Variants in PCDH9 observed in about 807,000 individuals in gnomAD.
The protein encoded by PCDH9 is protocadherin 9, also known as protocadherin-9.
In PCDH9, 24 loss-of-function variants were observed where a neutral mutation model predicts 70.6. The ratio of observed to expected loss-of-function variants is 0.34; its 90% CI spans 0.25 to 0.48. The LOEUF (loss-of-function observed/expected upper bound fraction) is 0.48. PCDH9 is among the 20% of genes least tolerant of loss of function. The pLI, the probability that PCDH9 is intolerant of heterozygous loss-of-function variation, is 0.99. For missense variants in PCDH9, 1,281 were observed against 1,503.6 expected (o/e 0.85, Z 2.45); for synonymous variants, 562 against 558.5 (o/e 1.01, Z -0.09).
intron 4 of PCDH9, among the ~76,000 whole-genome samples, chr13:66,364,089 T>C (rs1206201003): frequency 6.6e-6 from 1 of 151,850 alleles, no homozygotes; most frequent in African/African-American, 2.4e-5. Context: ...CAGGAGGCGG[T>C]GGTTGCAGTG....
rs534488544 is a variant in PCDH9 at position 67,180,754 on chromosome 13, G to T, written c.3036+44651C>A. Among the ~76,000 whole-genome samples, 4 of 152,128 alleles carry T rather than the reference G, an allele frequency of 2.6e-5. No homozygotes were observed. In the South Asian group the frequency reaches 8.3e-4, roughly 32 times the overall value. The stretch of plus-strand genomic sequence containing the variant: ...TTCTACCTTCAGAATTAATAGATTG[G>T]GAAGATTAGGTCAATTGGCATTTCT... On this transcript the variant is annotated intron_variant, in intron 2 of 4. Transcript: ENST00000377865.
intron 2 of PCDH9, among the ~76,000 whole-genome samples, chr13:67,074,531 A>T (rs1274210313): frequency 1.3e-5 from 2 of 152,178 alleles, no homozygotes; most frequent in Non-Finnish European, 2.9e-5. Flanking sequence ...AGCAAAGGCT[A>T]TGGAGTAAAA....
At chr13:66,518,491 A>C (rs1959844658) in intron 4 of PCDH9, among the ~76,000 whole-genome samples, 1 of 152,132 alleles carries the variant, frequency 6.6e-6, no homozygotes, top group Non-Finnish European at 1.5e-5. Context: ...TTTGACCCTA[A>C]GTTGCAAACT....
intron 4 of PCDH9, among the ~76,000 whole-genome samples, chr13:66,507,200 CAA>C (rs1466789797): frequency 2.3e-5 from 3 of 131,526 alleles, no homozygotes; most frequent in African/African-American, 8.1e-5. Flanking sequence ...CTCAGACTTG[CAA>C]AAGTGATTCA....
rs534511342 is a variant in PCDH9 at position 66,776,478 on chromosome 13, C to A, written c.3138+127026G>T. Among the ~76,000 whole-genome samples, 521 of 150,566 alleles carry A rather than the reference C, an allele frequency of 3.5e-3. 1 individual carries two copies. Among genetic ancestry groups the A allele is most frequent in the Non-Finnish European group, 5.8e-3 (390 of 67,462 alleles). Reference sequence around the variant, plus strand: ...ACAAAAATCACAAGCATTCTTATACCCCAATAACAGACAAATAGAGAGCCA... The same window carrying A: ...ACAAAAATCACAAGCATTCTTATACACCAATAACAGACAAATAGAGAGCCA... On this transcript the variant is annotated intron_variant, in intron 3 of 4. Transcript: ENST00000377865.
chr13:66,434,082 A>C (rs946790267), intron 4 of PCDH9, among the ~76,000 whole-genome samples: 1 of 151,930 alleles, frequency 6.6e-6, no homozygotes. Context: ...AATGGCTATA[A>C]AAATAGAAAT....
chr13:66,902,787 T>C (rs2082297664), intron 3 of PCDH9, among the ~76,000 whole-genome samples: 1 of 151,624 alleles, frequency 6.6e-6, no homozygotes, highest in African/African-American at 2.4e-5. Context: ...GATAGTAAGT[T>C]GTATGTTATG....
chr13:67,181,104 C>G (rs1223534544), intron 2 of PCDH9, among the ~76,000 whole-genome samples: 3 of 152,022 alleles, frequency 2.0e-5, no homozygotes, highest in Non-Finnish European at 4.4e-5. Context: ...TGGCCTTTAC[C>G]TTAGGTGCGG....
intron 4 of PCDH9, among the ~76,000 whole-genome samples, chr13:66,579,843 G>T (rs2076865755): frequency 6.6e-6 from 1 of 152,002 alleles, no homozygotes; most frequent in South Asian, 2.1e-4. Context: ...CAAAACTAGT[G>T]TTCTTAACTA....
At chr13:66,522,454 T>C (rs532397268) in intron 4 of PCDH9, among the ~76,000 whole-genome samples, 4 of 152,046 alleles carry the variant, frequency 2.6e-5, no homozygotes, top group Non-Finnish European at 5.9e-5. Context: ...ATTACAACAA[T>C]TTTTTTGAAA....
At chr13:66,961,948 G>C (rs558180164) in intron 2 of PCDH9, among the ~76,000 whole-genome samples, 1 of 152,198 alleles carries the variant, frequency 6.6e-6, no homozygotes, top group South Asian at 2.1e-4. Flanking sequence ...CTACTTGGTA[G>C]GCTGAGACAG....
At chr13:66,887,034 AACACACACACACACACACAC>A (rs9317623) in intron 3 of PCDH9, among the ~76,000 whole-genome samples, 3 of 143,874 alleles carry the variant, frequency 2.1e-5, no homozygotes, top group African/African-American at 7.8e-5. Context: ...CAAATATAAT[AACACACACACACACACACAC>A]ACACACACAC....
chr13:66,464,303 C>T (rs1933680821), intron 4 of PCDH9, among the ~76,000 whole-genome samples: 5 of 151,426 alleles, frequency 3.3e-5, no homozygotes, highest in South Asian at 2.1e-4. Flanking sequence ...TCAGTGTAAC[C>T]GGAATGTCTA....
At chr13:67,023,153 CTT>C (rs78287460) in intron 2 of PCDH9, among the ~76,000 whole-genome samples, 14 of 145,860 alleles carry the variant, frequency 9.6e-5, no homozygotes, top group Non-Finnish European at 9.1e-5. Flanking sequence ...CATGAAAATC[CTT>C]TTTTTTTTTT....
chr13:66,607,649 T>G (rs1802480905), intron 4 of PCDH9, among the ~76,000 whole-genome samples: 1 of 152,122 alleles, frequency 6.6e-6, no homozygotes, highest in Admixed American at 6.5e-5. Context: ...ATAGTACCAA[T>G]GAATTAGTCT....
intron 2 of PCDH9, among the ~76,000 whole-genome samples, chr13:67,182,275 T>C (rs1487478250): frequency 1.3e-5 from 2 of 152,176 alleles, no homozygotes; most frequent in East Asian, 3.9e-4. Flanking sequence ...CAGACCTAAA[T>C]TTCCCAATTT....
At chr13:66,988,752 G>A (rs2083943085) in intron 2 of PCDH9, among the ~76,000 whole-genome samples, 1 of 151,946 alleles carries the variant, frequency 6.6e-6, no homozygotes. Flanking sequence ...TAATGATGAA[G>A]AAATGAACGT....
At chr13:67,044,480 C>G (rs867646043) in intron 2 of PCDH9, among the ~76,000 whole-genome samples, 6 of 152,094 alleles carry the variant, frequency 3.9e-5, no homozygotes, top group African/African-American at 1.4e-4. Flanking sequence ...GTGTGTTTGT[C>G]CACAATGTAT....
At chr13:66,869,458 T>A (rs2081633234) in intron 3 of PCDH9, among the ~76,000 whole-genome samples, 1 of 152,130 alleles carries the variant, frequency 6.6e-6, no homozygotes, top group Non-Finnish European at 1.5e-5. Flanking sequence ...CCTAAGGTTT[T>A]ACACCAGAAG....
Sources: gnomAD v4.1 joint callset for allele counts (sites outside exome capture counted in the v4.1 genomes callset) on GRCh38, gnomAD v4.1.1 for gene constraint, MANE v1.5 for transcripts, NCBI Gene and HGNC (gene_info 2026-07-23, HGNC 2026-07-21) for gene names.